The following SPAG16 variants were observed in gnomAD, a reference collection of about 807,000 sequenced individuals.
The protein encoded by SPAG16 is sperm associated antigen 16.
A neutral mutation model predicts 80.4 loss-of-function variants in SPAG16; 86 were observed. The observed-to-expected ratio is 1.07, with a 90% confidence interval of 0.90 to 1.28. The LOEUF (loss-of-function observed/expected upper bound fraction) is 1.28, where lower values mean the gene tolerates loss of function less well. Ranked by LOEUF, SPAG16 falls within the 50% of genes most tolerant of loss-of-function variation. The pLI is 0.00. For missense variants in SPAG16, 870 were observed against 765.3 expected, an observed-to-expected ratio of 1.14 and a Z score of -1.61; for synonymous variants, 294 against 265.9, an observed-to-expected ratio of 1.11 and a Z score of -1.03.
chr2:213,531,436 A>C (rs1156577756), intron 10 of SPAG16, among the ~76,000 whole-genome samples: 1 of 150,786 alleles, frequency 6.6e-6, no homozygotes, highest in Non-Finnish European at 1.5e-5. Context: ...GGCTGCCTGC[A>C]CTCAGCAATT....
chr2:214,198,373 AG>A (rs2057907356), intron 15 of SPAG16, among the ~76,000 whole-genome samples: 1 of 152,040 alleles, frequency 6.6e-6, no homozygotes, highest in Non-Finnish European at 1.5e-5. Flanking sequence ...TTCCTGAGTT[AG>A]TTACTTCACT....
intron 1 of SPAG16, 30 bp downstream of exon 1, chr2:213,284,649 G>T (rs2061986150): frequency 6.3e-7 from 1 of 1,596,156 alleles, no homozygotes; most frequent in African/African-American, 1.3e-5. Flanking sequence ...GCGGCCCGCT[G>T]CGCTGGCGGG....
chr2:214,233,361 T>C (rs1043583886), intron 15 of SPAG16, among the ~76,000 whole-genome samples: 4 of 151,594 alleles, frequency 2.6e-5, no homozygotes, highest in Admixed American at 2.6e-4. Context: ...ATGATGATGA[T>C]GATGATGATG....
intron 10 of SPAG16, among the ~76,000 whole-genome samples, chr2:213,796,191 T>C (rs904582676): frequency 6.6e-6 from 1 of 152,134 alleles, no homozygotes. Context: ...TTCCATAAAA[T>C]TTGCCCATTT....
chr2:213,553,427 G>A (rs1246203200), intron 10 of SPAG16, among the ~76,000 whole-genome samples: 1 of 152,130 alleles, frequency 6.6e-6, no homozygotes, highest in Non-Finnish European at 1.5e-5. Context: ...GACAGGAACC[G>A]CTGTGGTTAC....
rs571341888 is a variant in SPAG16, at chr2:213,337,718, G to C, written c.537-2445G>C. 5.3e-4 allele frequency among the ~76,000 whole-genome samples: 80 copies of C among 152,204 alleles called. 1 individual carries two copies. The highest frequency in any genetic ancestry group is 1.8e-3 in the African/African-American group (73 of 41,538). On this transcript the variant is annotated intron_variant, in intron 5 of 15. Transcript: ENST00000331683. ...TGAAAAAAACCTCTGAGAACTGTGT[G>C]ATTATGTTAAAAAACCAAACCTATG...
intron 9 of SPAG16, among the ~76,000 whole-genome samples, chr2:213,469,585 T>TC (rs1202895218): frequency 6.8e-6 from 1 of 147,650 alleles, no homozygotes; most frequent in East Asian, 2.0e-4. Flanking sequence ...TTTTTTTTTT[T>TC]TTTTTTTTTT....
chr2:213,358,831 A>G (rs1039288239), intron 7 of SPAG16, among the ~76,000 whole-genome samples: 1 of 152,068 alleles, frequency 6.6e-6, no homozygotes, highest in Non-Finnish European at 1.5e-5. Flanking sequence ...TTTGGAGGAG[A>G]AGAGGCACTC....
chr2:214,114,327 A>C (rs1576250479), intron 14 of SPAG16, among the ~76,000 whole-genome samples: 1 of 152,326 alleles, frequency 6.6e-6, no homozygotes, highest in South Asian at 2.1e-4. Flanking sequence ...CTCAGAGCTC[A>C]AATGCTGTGC....
At chr2:213,666,054 T>C (rs1234755640) in intron 10 of SPAG16, among the ~76,000 whole-genome samples, 5 of 152,156 alleles carry the variant, frequency 3.3e-5, no homozygotes, top group South Asian at 2.1e-4. Flanking sequence ...ACTGTGAGCA[T>C]TGATTTGGAG....
At position 213,949,179 on chromosome 2, in the gene SPAG16, T is replaced by TTTTTTTTTTTTGTTTTTTTTTTTG. The variant is rs2079612309; in HGVS notation, c.1400+19045_1400+19046insGTTTTTTTTTTTGTTTTTTTTTTT. Among the ~76,000 whole-genome samples, 2 of 36,244 alleles carry TTTTTTTTTTTTGTTTTTTTTTTTG rather than the reference T, an allele frequency of 5.5e-5. 1 individual carries two copies. The highest frequency in any genetic ancestry group is 1.1e-4 in the Non-Finnish European group (2 of 18,252). The allele number at this position is 36,244 out of a possible 152,430, so 23.8% of individuals were successfully genotyped here. A position where few individuals can be genotyped will look rare whatever the true frequency, so the allele number is the denominator to read the frequency against. On this transcript the variant is annotated intron_variant, in intron 12 of 15. Transcript: ENST00000331683. ...TACTTAATTACAACAGTTTTTTTTTTTTTTTTTTTTTTTTGAGGTAGAGTC... is the reference window on the plus strand; with the variant it reads ...TACTTAATTACAACAGTTTTTTTTTTTTTTTTTTTTTGTTTTTTTTTTTGTTTTTTTTTTTTTTGAGGTAGAGTC...
intron 15 of SPAG16, among the ~76,000 whole-genome samples, chr2:214,369,457 C>A (rs1699681181): frequency 6.6e-6 from 1 of 152,072 alleles, no homozygotes; most frequent in South Asian, 2.1e-4. Context: ...TGGCTCAGGG[C>A]AGACACTTGA....
chr2:213,670,284 C>T (rs937871202), intron 10 of SPAG16, among the ~76,000 whole-genome samples: 3 of 152,076 alleles, frequency 2.0e-5, no homozygotes, highest in Non-Finnish European at 2.9e-5. Context: ...GCGTGAGCCA[C>T]CGCGCCAGGC....
chr2:213,879,643 C>T (rs1028577177), intron 11 of SPAG16, among the ~76,000 whole-genome samples: 8 of 152,044 alleles, frequency 5.3e-5, no homozygotes, highest in East Asian at 1.9e-4. Flanking sequence ...CCTCCCTCCC[C>T]CTCCTTGTAG....
intron 10 of SPAG16, among the ~76,000 whole-genome samples, chr2:213,761,590 G>A (rs113860143): frequency 0.026 from 3,992 of 152,208 alleles, 164 homozygotes; most frequent in African/African-American, 0.09. Flanking sequence ...GGCTGGGCAC[G>A]GTGGCTCACG....
intron 10 of SPAG16, among the ~76,000 whole-genome samples, chr2:213,623,131 A>T (rs181997645): frequency 6.6e-6 from 1 of 152,176 alleles, no homozygotes; most frequent in East Asian, 1.9e-4. Flanking sequence ...TAAGTCTGTC[A>T]TGGAGGTTGC....
chr2:213,322,699 G>A (rs971241675), intron 5 of SPAG16, among the ~76,000 whole-genome samples: 3 of 152,134 alleles, frequency 2.0e-5, no homozygotes, highest in African/African-American at 7.2e-5. Flanking sequence ...ATTAGGTAGT[G>A]GTAAGTGCTA....
intron 12 of SPAG16, among the ~76,000 whole-genome samples, chr2:213,987,256 T>C (rs1575741034): frequency 6.6e-6 from 1 of 152,106 alleles, no homozygotes; most frequent in South Asian, 2.1e-4. Flanking sequence ...CATGACACTT[T>C]CCAATTTCTT....
At chr2:213,572,569 C>A (rs1283197405) in intron 10 of SPAG16, among the ~76,000 whole-genome samples, 2 of 152,088 alleles carry the variant, frequency 1.3e-5, no homozygotes. Context: ...GAGTCAGGGA[C>A]CCACTTGAGG....
Sources: gnomAD v4.1 joint callset for allele counts (sites outside exome capture counted in the v4.1 genomes callset) on GRCh38, gnomAD v4.1.1 for gene constraint, MANE v1.5 for transcripts, NCBI Gene and HGNC (gene_info 2026-07-23, HGNC 2026-07-21) for gene names.